MYOM2: variants seen among roughly 807,000 people sequenced by gnomAD.
The protein encoded by MYOM2 is myomesin 2.
In MYOM2, 254 loss-of-function variants were observed where a neutral mutation model predicts 187.6. The observed-to-expected ratio is 1.35, with a 90% CI of 1.22 to 1.50. The LOEUF is 1.50. Ranked by LOEUF, MYOM2 falls within the 40% of genes most tolerant of loss-of-function variation. MYOM2 has a pLI of 0.00. For synonymous variants in MYOM2, 981 were observed against 753.8 expected, an observed-to-expected ratio of 1.30 and a Z score of -4.94; for missense variants, 2,796 against 1,924.0, an observed-to-expected ratio of 1.45 and a Z score of -8.48.
intron 28 of MYOM2, 125 bp from the exon 29 acceptor site, chr8:2,123,127 A>G: frequency 1.7e-6 from 1 of 575,250 alleles, no homozygotes. Flanking sequence ...TTCGTCTGAG[A>G]CTGTCTATAG....
At chr8:2,084,522 G>T (rs888223679) in intron 13 of MYOM2, among the ~76,000 whole-genome samples, 2 of 152,096 alleles carry the variant, frequency 1.3e-5, no homozygotes, top group Admixed American at 1.3e-4. Context: ...AGAACTGTGG[G>T]TCTGGAAAAA....
At chr8:2,124,407 G>T (rs866179991) in intron 31 of MYOM2, among the ~76,000 whole-genome samples, 190 bp downstream of exon 31, 13 of 152,296 alleles carry the variant, frequency 8.5e-5, no homozygotes, top group Middle Eastern at 6.8e-3. Context: ...CCTCAGTTTT[G>T]TCTGGAGTTT....
chr8:2,078,662 C>A, intron 11 of MYOM2, 72 bp from the exon 12 acceptor site: 1 of 1,334,646 alleles, frequency 7.5e-7, no homozygotes, highest in Non-Finnish European at 1.1e-6. Flanking sequence ...TGCATATATG[C>A]ATATACCTAT....
Position 2,087,941 on chromosome 8 carries a change from C to T in MYOM2, c.1645-2067C>T, listed in dbSNP as rs184157888. On this transcript the variant is annotated intron_variant, in intron 14 of 36. Coordinates refer to ENST00000262113, the MANE Select transcript of MYOM2 (RefSeq NM_003970.4). ...AGGCCAGGCAAGCCACAACACCTGT[C>T]CTGCAAACACATTTTTAGAGAGAGG... 4.0e-3 allele frequency among the ~76,000 whole-genome samples: 613 copies of T among 152,306 alleles called. 1 individual carries two copies. Among genetic ancestry groups the T allele is most frequent in the Non-Finnish European group, 5.9e-3 (400 of 68,040 alleles).
At chr8:2,120,282 CT>C (rs1797380730) in intron 28 of MYOM2, among the ~76,000 whole-genome samples, 1 of 151,994 alleles carries the variant, frequency 6.6e-6, no homozygotes, top group Non-Finnish European at 1.5e-5. Context: ...GGTCAACCAG[CT>C]GTCTAAGTTG....
chr8:2,057,214 A>G (rs1027814147), intron 3 of MYOM2, 134 bp from the exon 4 acceptor site: 3 of 981,082 alleles, frequency 3.1e-6, no homozygotes, highest in South Asian at 1.9e-5. Flanking sequence ...CAGAAGTAGC[A>G]TTTCTCCTGT....
chr8:2,075,097 T>C (rs1186903933), intron 10 of MYOM2, among the ~76,000 whole-genome samples: 1 of 152,226 alleles, frequency 6.6e-6, no homozygotes, highest in Non-Finnish European at 1.5e-5. Flanking sequence ...GACTGTATCA[T>C]TAAAGAATAT....
At chr8:2,051,946 T>C (rs993187700) in intron 2 of MYOM2, among the ~76,000 whole-genome samples, 5 of 152,198 alleles carry the variant, frequency 3.3e-5, no homozygotes, top group African/African-American at 1.2e-4. Flanking sequence ...TGTGTACGCA[T>C]GTATTGTATG....
At chr8:2,069,558 T>G (rs1397005524) in intron 8 of MYOM2, 61 bp downstream of exon 8, 2 of 1,594,798 alleles carry the variant, frequency 1.3e-6, no homozygotes, top group Non-Finnish European at 1.7e-6. Context: ...GCAGACAATT[T>G]GAAAACATGG....
intron 32 of MYOM2, among the ~76,000 whole-genome samples, chr8:2,135,567 T>A (rs115547824): frequency 0.13 from 19,781 of 152,074 alleles, 2,173 homozygotes; most frequent in African/African-American, 0.28. Context: ...CAGTTGACCA[T>A]CCTGCTGGTT....
intron 36 of MYOM2, among the ~76,000 whole-genome samples, chr8:2,143,851 C>T (rs983976118): frequency 1.4e-4 from 21 of 152,276 alleles, no homozygotes; most frequent in Non-Finnish European, 2.4e-4. Flanking sequence ...CCCCTGCTTC[C>T]AGTGTGAAAC....
intron 2 of MYOM2, among the ~76,000 whole-genome samples, chr8:2,051,148 A>G (rs564372145): frequency 1.4e-3 from 213 of 148,786 alleles, no homozygotes; most frequent in African/African-American, 5.2e-3. Context: ...TTTACTGCTC[A>G]TCACATGCCT....
intron 25 of MYOM2, among the ~76,000 whole-genome samples, chr8:2,115,654 T>C (rs943849078): frequency 6.6e-6 from 1 of 152,222 alleles, no homozygotes; most frequent in African/African-American, 2.4e-5. Context: ...TTTTATTTTC[T>C]CCTGTGAATT....
At chr8:2,106,739 C>A in intron 23 of MYOM2, 142 bp downstream of exon 23, 1 of 605,822 alleles carries the variant, frequency 1.7e-6, no homozygotes, top group Non-Finnish European at 2.9e-6. Flanking sequence ...GTATATAAGC[C>A]AAAACTTGCT....
At chr8:2,054,691 G>A (rs1376942955) in intron 3 of MYOM2, among the ~76,000 whole-genome samples, 1 of 152,212 alleles carries the variant, frequency 6.6e-6, no homozygotes, top group Admixed American at 6.5e-5. Context: ...AGTAAACGGT[G>A]TCAAGAGAGG....
In MYOM2 at chr8:2,080,783, G is replaced by A. The variant is rs183628552; in HGVS notation, c.1516+1170G>A. ...TAGAAAAGAAGGCCTGCTTGAGGCC[G>A]ACGAGCCCGTGTAGAATGAGGTTGG... On this transcript the variant is annotated intron_variant, in intron 13 of 36. Transcript: ENST00000262113. 2.5e-3 allele frequency among the ~76,000 whole-genome samples: 377 copies of A among 152,354 alleles called. 1 individual carries two copies. Among genetic ancestry groups the A allele is most frequent in the African/African-American group, 8.8e-3 (366 of 41,582 alleles).
At position 2,106,366 on chromosome 8, in the gene MYOM2, T is replaced by A. The variant is rs1286480936; in HGVS notation, c.2859T>A (p.Asp953Glu). Residue 953 changes from aspartate (D) to glutamate (E), a missense_variant, in exon 22 of 37, where the codon GAT becomes GAA. Coordinates refer to ENST00000262113, the MANE Select transcript of MYOM2 (RefSeq NM_003970.4). ...WCKSYEEISD[D>E]ERFKIETVGD... is the part of the protein sequence containing the mutation. ...AATCCTACGAGGAGATTTCAGATGA[T>A]GAGAGGTTTAAAATTGAAACCGTGG... The A allele has an allele frequency of 6.2e-7, 1 of 1,614,148 alleles. No individual in the cohort carries two copies. The highest frequency in any genetic ancestry group is 8.5e-7 in the Non-Finnish European group (1 of 1,180,010).
intron 21 of MYOM2, among the ~76,000 whole-genome samples, chr8:2,103,269 T>C (rs766820869): frequency 1.1e-4 from 16 of 150,076 alleles, no homozygotes; most frequent in Non-Finnish European, 2.1e-4. Flanking sequence ...AGTGTGCATG[T>C]ATTATGTGTA....
intron 34 of MYOM2, among the ~76,000 whole-genome samples, chr8:2,142,129 G>A (rs1304603821): frequency 6.6e-6 from 1 of 151,910 alleles, no homozygotes; most frequent in Non-Finnish European, 1.5e-5. Context: ...AAACTTTTCT[G>A]TGGGTTTTAG....
Sources: gnomAD v4.1 joint callset for allele counts (sites outside exome capture counted in the v4.1 genomes callset) on GRCh38, gnomAD v4.1.1 for gene constraint, MANE v1.5 for transcripts, NCBI Gene and HGNC (gene_info 2026-07-23, HGNC 2026-07-21) for gene names.